The following ANKS1B variants were observed in gnomAD, a reference collection of about 807,000 sequenced individuals.
The protein encoded by ANKS1B is ankyrin repeat and sterile alpha motif domain-containing protein 1B.
A neutral mutation model predicts 148.3 loss-of-function variants in ANKS1B; 36 were observed. That is an observed-to-expected ratio of 0.24 (90% CI 0.19 to 0.32). ANKS1B has a LOEUF of 0.32. Among genes scored for constraint, ANKS1B ranks in the 10% least tolerant of loss-of-function variants. The pLI is 1.00. For missense variants in ANKS1B, 1,157 were observed against 1,542.6 expected (o/e 0.75, Z 4.19); for synonymous variants, 542 against 560.8 (o/e 0.97, Z 0.47).
At chr12:99,346,077 C>T (rs541382374) in intron 12 of ANKS1B, among the ~76,000 whole-genome samples, 2 of 152,036 alleles carry the variant, frequency 1.3e-5, no homozygotes, top group South Asian at 2.1e-4. Flanking sequence ...ATGCCACATG[C>T]TTTATAACTC....
chr12:99,275,860 T>C (rs1165646280), intron 12 of ANKS1B, among the ~76,000 whole-genome samples: 1 of 152,194 alleles, frequency 6.6e-6, no homozygotes, highest in Non-Finnish European at 1.5e-5. Flanking sequence ...TCTGTCACAG[T>C]CTGTGATAGC....
chr12:99,803,579 G>A (rs1447199804), intron 4 of ANKS1B, among the ~76,000 whole-genome samples: 1 of 152,090 alleles, frequency 6.6e-6, no homozygotes, highest in East Asian at 1.9e-4. Flanking sequence ...TCTGATATGT[G>A]AAGAACAAAT....
chr12:99,759,577 C>G lies in ANKS1B; in HGVS notation c.1128+13345G>C, dbSNP rs140267867. Among the ~76,000 whole-genome samples, 618 of 152,110 alleles carry G rather than the reference C, an allele frequency of 4.1e-3. 5 individuals carry two copies. The highest frequency in any genetic ancestry group is 0.014 in the African/African-American group (592 of 41,574). ...AGTGATTATTGCAACTGCCATGTCT[C>G]TTTAAGCTCAGGCTCTCGCCTGATT... is the stretch of plus-strand genomic sequence containing the variant. On this transcript the variant is annotated intron_variant, in intron 8 of 26. Coordinates refer to ENST00000683438, the MANE Select transcript of ANKS1B (RefSeq NM_001352186.2).
At chr12:99,040,050 C>A (rs75451454) in intron 17 of ANKS1B, among the ~76,000 whole-genome samples, 1,764 of 152,072 alleles carry the variant, frequency 0.012, 46 homozygotes, top group African/African-American at 0.04. Flanking sequence ...GGGGGGACTG[C>A]GGGAAAAAGG....
intron 25 of ANKS1B, among the ~76,000 whole-genome samples, chr12:98,753,760 T>C (rs539310060): frequency 6.6e-5 from 10 of 152,150 alleles, no homozygotes; most frequent in Non-Finnish European, 1.3e-4. Flanking sequence ...GTCCCTAGAA[T>C]GTCCACTCAC....
In ANKS1B at chr12:99,375,752, T is replaced by G. The variant is rs540609108; in HGVS notation, c.1756+23879A>C. On this transcript the variant is annotated intron_variant, in intron 12 of 26. Transcript: ENST00000683438. ...AGCTAACTCTTTGAACTTGAAACTATTTTCAGAAAAATGACTGGAGTAATG... is the reference window on the plus strand; with the variant it reads ...AGCTAACTCTTTGAACTTGAAACTAGTTTCAGAAAAATGACTGGAGTAATG... 5.3e-5 allele frequency among the ~76,000 whole-genome samples: 8 copies of G among 152,300 alleles called. No homozygotes were observed. In the East Asian group the frequency reaches 1.5e-3, roughly 29 times the overall value.
At chr12:99,955,037 A>G (rs1441282838) in intron 1 of ANKS1B, among the ~76,000 whole-genome samples, 1 of 152,132 alleles carries the variant, frequency 6.6e-6, no homozygotes, top group African/African-American at 2.4e-5. Context: ...AGGCTATGAT[A>G]TCCTGATTCT....
intron 9 of ANKS1B, among the ~76,000 whole-genome samples, chr12:99,616,504 G>A (rs190381223): frequency 6.2e-4 from 94 of 152,102 alleles, no homozygotes; most frequent in Non-Finnish European, 1.3e-4. Context: ...ACAACCACCT[G>A]ATCTTCAACA....
chr12:99,378,652 C>CAAAAAAAAAAAAAAAAAAAA (rs140892353), intron 12 of ANKS1B, among the ~76,000 whole-genome samples: 3 of 90,694 alleles, frequency 3.3e-5, no homozygotes, highest in East Asian at 3.0e-4. Context: ...GACTCCATCT[C>CAAAAAAAAAAAAAAAAAAAA]AAAAAAAAAA....
At chr12:99,624,639 A>G (rs979617176) in intron 9 of ANKS1B, among the ~76,000 whole-genome samples, 1 of 152,142 alleles carries the variant, frequency 6.6e-6, no homozygotes, top group East Asian at 1.9e-4. Context: ...AACAAACATG[A>G]AAACAAAAAT....
At chr12:99,641,683 C>T (rs1223355812) in intron 9 of ANKS1B, among the ~76,000 whole-genome samples, 3 of 152,056 alleles carry the variant, frequency 2.0e-5, no homozygotes, top group Non-Finnish European at 4.4e-5. Flanking sequence ...CATAATACAA[C>T]ATGATAACCA....
chr12:99,098,303 T>C (rs1260910079), intron 15 of ANKS1B, among the ~76,000 whole-genome samples: 1 of 152,208 alleles, frequency 6.6e-6, no homozygotes, highest in Non-Finnish European at 1.5e-5. Flanking sequence ...TGCATGGAAT[T>C]GCCTCAGAGA....
intron 10 of ANKS1B, among the ~76,000 whole-genome samples, chr12:99,455,938 C>T (rs1433119654): frequency 6.6e-6 from 1 of 152,138 alleles, no homozygotes; most frequent in Non-Finnish European, 1.5e-5. Flanking sequence ...ATTGAAAGCA[C>T]CACCTCCTGG....
At chr12:99,015,920 T>C (rs1302606705) in intron 17 of ANKS1B, among the ~76,000 whole-genome samples, 1 of 152,090 alleles carries the variant, frequency 6.6e-6, no homozygotes, top group Non-Finnish European at 1.5e-5. Flanking sequence ...TGTAGATCTA[T>C]GGTCATTCAG....
intron 23 of ANKS1B, 80 bp downstream of exon 23, chr12:98,782,046 C>A: frequency 8.3e-7 from 1 of 1,202,030 alleles, no homozygotes. Context: ...TCATTCATCA[C>A]CAGTCACCAG....
rs75893035 is a variant in ANKS1B, at chr12:98,935,210, T to G, written c.2779-103074A>C. Among the ~76,000 whole-genome samples, 604 of 152,318 alleles carry G rather than the reference T, an allele frequency of 4.0e-3. 2 individuals carry two copies. The highest frequency in any genetic ancestry group is 0.013 in the African/African-American group (559 of 41,574). ...ATCAAAGGATGTTGAATTTTGTCAA[T>G]TGATTTTTCAGCATCTATTGAGATG... On this transcript the variant is annotated intron_variant, in intron 17 of 26. Coordinates refer to ENST00000683438, the MANE Select transcript of ANKS1B (RefSeq NM_001352186.2).
intron 17 of ANKS1B, among the ~76,000 whole-genome samples, chr12:99,039,519 A>T (rs1447519155): frequency 6.6e-6 from 1 of 152,146 alleles, no homozygotes; most frequent in African/African-American, 2.4e-5. Flanking sequence ...ACACAAATAC[A>T]AGGGCTGGTA....
At chr12:99,292,890 T>C (rs953267235) in intron 12 of ANKS1B, among the ~76,000 whole-genome samples, 10 of 152,230 alleles carry the variant, frequency 6.6e-5, no homozygotes, top group African/African-American at 2.4e-4. Context: ...GGAATGCTTT[T>C]ACACTGTTGG....
intron 11 of ANKS1B, among the ~76,000 whole-genome samples, chr12:99,400,020 T>A (rs1399526758): frequency 6.6e-6 from 1 of 152,166 alleles, no homozygotes; most frequent in African/African-American, 2.4e-5. Context: ...TATTATGGCA[T>A]AGTTGATGTG....
Sources: allele counts gnomAD v4.1 joint callset (sites outside exome capture counted in the v4.1 genomes callset), GRCh38; gene constraint gnomAD v4.1.1; transcripts MANE v1.5; gene names NCBI Gene and HGNC (gene_info 2026-07-23, HGNC 2026-07-21).